The following IGHMBP2 variants were observed in gnomAD, a reference collection of about 807,000 sequenced individuals.
IGHMBP2 encodes DNA-binding protein SMUBP-2.
A neutral mutation model predicts 96.0 loss-of-function variants in IGHMBP2; 81 were observed. That is an observed-to-expected ratio of 0.84 (90% CI 0.71 to 1.01). The LOEUF (loss-of-function observed/expected upper bound fraction) is 1.01. Among genes scored for constraint, IGHMBP2 ranks in the 50% least tolerant of loss-of-function variants. The probability of loss-of-function intolerance (pLI) is 0.00; values close to 1 mark genes in which losing one functional copy is unlikely to be tolerated. For missense variants in IGHMBP2, 1,227 were observed against 1,306.3 expected (o/e 0.94, Z 0.94); for synonymous variants, 557 against 548.9 (o/e 1.01, Z -0.21).
chr11:68,912,891 A>C (rs903813926), intron 5 of IGHMBP2, among the ~76,000 whole-genome samples: 1 of 151,818 alleles, frequency 6.6e-6, no homozygotes, highest in African/African-American at 2.4e-5. Context: ...AATACAAAAC[A>C]ATTAGCCGGG....
rs762339577 is a variant in IGHMBP2, at chr11:68,936,715, G to GT, written c.2238dup (p.Pro747SerfsTer83). 1 of 1,614,120 alleles carries GT rather than the reference G, an allele frequency of 6.2e-7. No homozygotes were observed. The highest frequency in any genetic ancestry group is 2.2e-5 in the East Asian group (1 of 44,886). Reference sequence around the variant, plus strand: ...TGGCCAGCAAGAAGATGCAGTTGGAGTTTCCTCCTTCCCTCAATTCCCACG... The same window carrying GT: ...TGGCCAGCAAGAAGATGCAGTTGGAGTTTTCCTCCTTCCCTCAATTCCCACG... On this transcript the variant is annotated frameshift_variant, in exon 13 of 15. Transcript: ENST00000255078. LOFTEE classifies it high-confidence loss of function.
intron 9 of IGHMBP2, 153 bp from the exon 10 acceptor site, chr11:68,933,642 G>A: frequency 2.9e-6 from 3 of 1,050,096 alleles, no homozygotes; most frequent in Non-Finnish European, 4.3e-6. Context: ...GGAGAGCTGG[G>A]TCAGGCCCGC....
intron 8 of IGHMBP2, chr11:68,930,550 G>C: frequency 8.3e-7 from 1 of 1,206,368 alleles, no homozygotes; most frequent in African/African-American, 1.6e-5. Context: ...CTGAAAGATC[G>C]TCCTGGTGGG....
chr11:68,905,943 C>T, intron 1 of IGHMBP2, 126 bp from the exon 2 acceptor site: 1 of 967,300 alleles, frequency 1.0e-6, no homozygotes, highest in South Asian at 1.3e-5. Context: ...TTCGGAGTTC[C>T]ATTGGGACAT....
Position 68,929,283 on chromosome 11 carries a change from C to G in IGHMBP2, c.1161C>G (p.Ile387Met). 1.2e-6 allele frequency: 2 copies of G among 1,613,780 alleles called. No individual in the cohort carries two copies. Among genetic ancestry groups the G allele is most frequent in the Non-Finnish European group, 1.7e-6 (2 of 1,180,010 alleles). ...CAQALEASCW[I>M]PLLKARKCIL... ...AGGCCCTCGAGGCGAGCTGCTGGAT[C>G]CCCCTGCTGAAGGCCAGAAAGTGCA... The change falls in exon 8 of 15, where the codon ATC becomes ATG. Residue 387 changes from isoleucine to methionine, a missense_variant. Transcript: ENST00000255078.
chr11:68,916,471 C>G (rs1454060443), intron 6 of IGHMBP2, among the ~76,000 whole-genome samples: 1 of 152,156 alleles, frequency 6.6e-6, no homozygotes, highest in African/African-American at 2.4e-5. Flanking sequence ...GTGCTCACGT[C>G]CTGTCCTGTG....
chr11:68,928,499 CATTGA>C, intron 7 of IGHMBP2, among the ~76,000 whole-genome samples: 1 of 152,340 alleles, frequency 6.6e-6, no homozygotes, highest in South Asian at 2.1e-4. Context: ...TGGGAACTAA[CATTGA>C]TCACATTTAT....
intron 7 of IGHMBP2, among the ~76,000 whole-genome samples, chr11:68,920,678 C>A (rs1178008606): frequency 2.6e-5 from 4 of 152,120 alleles, no homozygotes; most frequent in Non-Finnish European, 5.9e-5. Flanking sequence ...GAGACAAGAT[C>A]TCACTGTGTT....
intron 13 of IGHMBP2, among the ~76,000 whole-genome samples, chr11:68,937,500 G>A (rs2154009019): frequency 6.6e-6 from 1 of 152,362 alleles, no homozygotes; most frequent in Non-Finnish European, 1.5e-5. Flanking sequence ...AAGTTGTCCT[G>A]GGCAAAATGC....
intron 2 of IGHMBP2, 60 bp from the exon 3 acceptor site, chr11:68,908,085 C>A: frequency 7.6e-7 from 1 of 1,314,042 alleles, no homozygotes; most frequent in Non-Finnish European, 1.1e-6. Flanking sequence ...GATTTTATTA[C>A]AGAAAATGAT....
chr11:68,928,318 C>T (rs1423694168), intron 7 of IGHMBP2, among the ~76,000 whole-genome samples: 2 of 152,212 alleles, frequency 1.3e-5, no homozygotes, highest in African/African-American at 4.8e-5. Context: ...ACATCTGTGA[C>T]CTAAACATGT....
intron 12 of IGHMBP2, among the ~76,000 whole-genome samples, chr11:68,935,978 G>A (rs541637237): frequency 2.0e-5 from 3 of 152,194 alleles, no homozygotes; most frequent in East Asian, 1.9e-4. Context: ...CACCCCAGGC[G>A]GCCCCTGAGG....
chr11:68,934,634 A>G (rs1481387079), intron 11 of IGHMBP2, 76 bp downstream of exon 11: 1 of 1,172,298 alleles, frequency 8.5e-7, no homozygotes, highest in East Asian at 2.5e-5. Context: ...AAAAAGGGTG[A>G]TTTGTTGGCT....
intron 13 of IGHMBP2, among the ~76,000 whole-genome samples, chr11:68,937,420 C>T (rs145612939): frequency 1.2e-3 from 188 of 152,334 alleles, no homozygotes; most frequent in African/African-American, 4.2e-3. Context: ...GGAGCGATCA[C>T]GGGGTCCCAT....
At chr11:68,907,770 G>A (rs979328398) in intron 2 of IGHMBP2, among the ~76,000 whole-genome samples, 5 of 151,928 alleles carry the variant, frequency 3.3e-5, no homozygotes, top group Non-Finnish European at 5.9e-5. Context: ...CGCTCAGGCC[G>A]GAGTGCAGTG....
chr11:68,934,362 A>C, intron 10 of IGHMBP2, 102 bp from the exon 11 acceptor site: 1 of 819,214 alleles, frequency 1.2e-6, no homozygotes, highest in East Asian at 2.6e-5. Flanking sequence ...GTGGAGGATC[A>C]GCTGGCCATG....
intron 5 of IGHMBP2, among the ~76,000 whole-genome samples, 154 bp from the exon 6 acceptor site, chr11:68,914,669 C>T (rs1240927429): frequency 3.3e-5 from 5 of 152,232 alleles, no homozygotes; most frequent in Non-Finnish European, 7.3e-5. Context: ...TCGGATCACA[C>T]GTGGGCTTGG....
At chr11:68,904,431 C>T (rs1454448940) in intron 1 of IGHMBP2, among the ~76,000 whole-genome samples, 1 of 152,090 alleles carries the variant, frequency 6.6e-6, no homozygotes, top group African/African-American at 2.4e-5. Context: ...CTGGCTGCCC[C>T]CGATCCGGCC....
In IGHMBP2 at chr11:68,933,451, C is replaced by T; in HGVS notation, c.1388C>T (p.Ala463Val). 1.2e-6 allele frequency: 2 copies of T among 1,612,986 alleles called. No individual in the cohort carries two copies. Among genetic ancestry groups the T allele is most frequent in the Non-Finnish European group, 1.7e-6 (2 of 1,179,816 alleles). ...SDTMYLGQLT[A>V]HSSVARHLLR... ...ACCATGTACCTTGGGCAGCTCACAG[C>T]CCACTCTTCCGTGGCAAGGCACCTC... is the stretch of plus-strand genomic sequence containing the variant. The change falls in exon 9 of 15, where the codon GCC (alanine) becomes GTC (valine). Residue 463 changes from alanine to valine, a missense_variant. By Grantham distance (64) the Ala-to-Val change is moderately conservative. This residue lies in a region of IGHMBP2 where 703 missense variants were observed against 770.3 expected (regional missense o/e 0.91). Transcript: ENST00000255078.
Sources: gnomAD v4.1 joint callset for allele counts (sites outside exome capture counted in the v4.1 genomes callset) on GRCh38, gnomAD v4.1.1 for gene constraint, gnomAD v4.1.1 regional missense constraint, MANE v1.5 for transcripts, NCBI Gene and HGNC (gene_info 2026-07-23, HGNC 2026-07-21) for gene names.